The following CDH7 variants were observed in gnomAD, a reference collection of about 807,000 sequenced individuals.
CDH7 encodes the protein cadherin-7.
Under a neutral mutation model 71.8 loss-of-function variants are expected in CDH7, and 25 were observed. That is an observed-to-expected ratio of 0.35 (90% CI 0.25 to 0.49). The LOEUF (loss-of-function observed/expected upper bound fraction) is 0.49, where lower values mean the gene tolerates loss of function less well. CDH7 is among the 20% of genes least tolerant of loss of function. The pLI is 0.99. For synonymous variants in CDH7, 381 were observed against 363.8 expected, an observed-to-expected ratio of 1.05 and a Z score of -0.54; for missense variants, 862 against 974.6, an observed-to-expected ratio of 0.88 and a Z score of 1.54.
chr18:65,766,885 TAAAAAAAAAAAAAAAAAAAAAAA>T (rs61611288), intron 2 of CDH7, among the ~76,000 whole-genome samples: 4 of 88,614 alleles, frequency 4.5e-5, no homozygotes, highest in Non-Finnish European at 5.5e-5. Context: ...CTGTCTGACG[TAAAAAAAAAAAAAAAAAAAAAAA>T]AAAAAAAAAA....
chr18:65,793,788 T>C (rs1449148635), intron 2 of CDH7, among the ~76,000 whole-genome samples: 1 of 152,174 alleles, frequency 6.6e-6, no homozygotes, highest in Non-Finnish European at 1.5e-5. Flanking sequence ...ACTGAAGCTG[T>C]TGTCATCATG....
Position 65,824,664 on chromosome 18 carries a change from C to T in CDH7, c.814C>T (p.Pro272Ser), listed in dbSNP as rs1568205572. Residue 272 changes from proline to serine, a missense_variant, in exon 6 of 12, where the codon CCA (proline) becomes TCA (serine). Coordinates refer to ENST00000397968, the MANE Select transcript of CDH7 (RefSeq NM_004361.5). ...FPRRSYQYNV[P>S]ESLPVASVVA... is the part of the protein sequence containing the mutation. ...CACAGGGTCTTATCAATATAACGTC[C>T]CAGAGTCATTACCTGTAGCCTCAGT... The T allele has an allele frequency of 5.0e-6, 8 of 1,600,858 alleles. No individual in the cohort carries two copies. Among genetic ancestry groups the T allele is most frequent in the Non-Finnish European group, 6.8e-6 (8 of 1,172,208 alleles).
intron 11 of CDH7, among the ~76,000 whole-genome samples, chr18:65,872,923 T>G (rs954861222): frequency 6.6e-6 from 1 of 151,460 alleles, no homozygotes; most frequent in East Asian, 1.9e-4. Context: ...AATTAAAATG[T>G]CTATAAAAAT....
chr18:65,872,001 G>A (rs752002851), intron 11 of CDH7, among the ~76,000 whole-genome samples: 3 of 152,108 alleles, frequency 2.0e-5, no homozygotes, highest in South Asian at 2.1e-4. Context: ...CCAAGAAACC[G>A]AGTATGGAAC....
intron 7 of CDH7, among the ~76,000 whole-genome samples, chr18:65,847,099 G>C (rs1438062142): frequency 6.6e-6 from 1 of 152,060 alleles, no homozygotes; most frequent in Non-Finnish European, 1.5e-5. Flanking sequence ...ATTTGCATTA[G>C]GCACTCCAGT....
At chr18:65,753,077 T>C (rs913709297) in intron 1 of CDH7, among the ~76,000 whole-genome samples, 2 of 152,220 alleles carry the variant, frequency 1.3e-5, no homozygotes, top group African/African-American at 2.4e-5. Flanking sequence ...TAGTGTTTAG[T>C]GTCCAATGAA....
At chr18:65,862,488 A>G (rs1326759236) in intron 10 of CDH7, among the ~76,000 whole-genome samples, 178 bp from the exon 11 acceptor site, 10 of 152,342 alleles carry the variant, frequency 6.6e-5, no homozygotes, top group Non-Finnish European at 4.4e-5. Flanking sequence ...CTTATAATGT[A>G]TTAAACTGGA....
intron 2 of CDH7, among the ~76,000 whole-genome samples, chr18:65,780,497 G>A (rs1454767688): frequency 7.3e-6 from 1 of 136,774 alleles, no homozygotes; most frequent in Non-Finnish European, 1.6e-5. Context: ...TGTAAGGAAG[G>A]GATCCAGTTT....
chr18:65,816,111 G>A (rs1218739086), intron 4 of CDH7, among the ~76,000 whole-genome samples: 1 of 152,112 alleles, frequency 6.6e-6, no homozygotes, highest in African/African-American at 2.4e-5. Flanking sequence ...CTTAGGATTA[G>A]ATTATTAATA....
intron 4 of CDH7, among the ~76,000 whole-genome samples, chr18:65,816,745 T>C (rs980502546): frequency 2.6e-5 from 4 of 152,138 alleles, no homozygotes; most frequent in African/African-American, 7.2e-5. Context: ...ATGTGAGTAG[T>C]TGCAAAACCC....
chr18:65,839,187 A>G (rs1046091795), intron 6 of CDH7, among the ~76,000 whole-genome samples: 1 of 152,180 alleles, frequency 6.6e-6, no homozygotes, highest in African/African-American at 2.4e-5. Flanking sequence ...TAGTTTTCAC[A>G]TGTATTAATA....
intron 6 of CDH7, among the ~76,000 whole-genome samples, chr18:65,842,897 A>G (rs1912788776): frequency 6.6e-6 from 1 of 150,990 alleles, no homozygotes; most frequent in Non-Finnish European, 1.5e-5. Flanking sequence ...ACATCATTAA[A>G]TGTAAAAAGA....
chr18:65,810,068 A>C, intron 3 of CDH7, 70 bp downstream of exon 3: 1 of 1,278,482 alleles, frequency 7.8e-7, no homozygotes, highest in Non-Finnish European at 1.1e-6. Context: ...AAATTAAATC[A>C]TCATTAAGTA....
chr18:65,824,454 T>C (rs1912050183), intron 5 of CDH7, among the ~76,000 whole-genome samples, 190 bp from the exon 6 acceptor site: 2 of 152,070 alleles, frequency 1.3e-5, no homozygotes, highest in South Asian at 4.1e-4. Context: ...ACAGTGATTA[T>C]TAACTAATCA....
At chr18:65,873,515 T>A (rs752280783) in intron 11 of CDH7, among the ~76,000 whole-genome samples, 3 of 152,228 alleles carry the variant, frequency 2.0e-5, no homozygotes, top group Non-Finnish European at 4.4e-5. Context: ...CATTTTAATA[T>A]GTGATCCATG....
At chr18:65,781,832 T>TC (rs1568181542) in intron 2 of CDH7, among the ~76,000 whole-genome samples, 2 of 85,870 alleles carry the variant, frequency 2.3e-5, no homozygotes, top group African/African-American at 1.8e-4. Context: ...CTTTCTTTCT[T>TC]TCTTTCTTTC....
At chr18:65,781,622 C>A (rs1910190979) in intron 2 of CDH7, among the ~76,000 whole-genome samples, 1 of 151,948 alleles carries the variant, frequency 6.6e-6, no homozygotes, top group African/African-American at 2.4e-5. Flanking sequence ...TTTTTCTTAC[C>A]TTTTCCACTT....
rs1910206822 is a variant in CDH7, at chr18:65,781,772, TTCCTTCCTTCCTTCCTTCCTTCC to T, written c.210+18722_210+18744del. 3.9e-3 allele frequency among the ~76,000 whole-genome samples: 297 copies of T among 75,752 alleles called. 37 individuals are homozygous for T. Among genetic ancestry groups the T allele is most frequent in the African/African-American group, 0.015 (272 of 18,632 alleles). 49.7% of individuals were successfully genotyped at this position (75,752 alleles called of 152,430 possible). A position where few individuals can be genotyped will look rare whatever the true frequency, so the allele number is the denominator to read the frequency against. ...TTGATTTCTTTCTTTCTTTCTTTCC[TTCCTTCCTTCCTTCCTTCCTTCC>T]TTCCTTCCTTCCTTCCTTCCTTCCT... On this transcript the variant is annotated intron_variant, in intron 2 of 11. Transcript: ENST00000397968.
intron 7 of CDH7, among the ~76,000 whole-genome samples, chr18:65,856,427 A>G (rs1014762621): frequency 6.6e-6 from 1 of 152,286 alleles, no homozygotes; most frequent in Middle Eastern, 3.4e-3. Flanking sequence ...TGTTGCTAGC[A>G]TCAATAAACT....
Sources: allele counts gnomAD v4.1 joint callset (sites outside exome capture counted in the v4.1 genomes callset), GRCh38; gene constraint gnomAD v4.1.1; transcripts MANE v1.5; gene names NCBI Gene and HGNC (gene_info 2026-07-23, HGNC 2026-07-21).